SGMS1: variants seen among roughly 807,000 people sequenced by gnomAD.
SGMS1 encodes the protein phosphatidylcholine:ceramide cholinephosphotransferase 1.
A neutral mutation model predicts 46.2 loss-of-function variants in SGMS1; 13 were observed. The observed-to-expected ratio is 0.28, with a 90% CI of 0.18 to 0.45. The LOEUF is 0.45. Ranked by LOEUF, SGMS1 falls within the 20% of genes least tolerant of loss-of-function variation. SGMS1 has a pLI of 1.00. For missense variants in SGMS1, 324 were observed against 519.9 expected, an observed-to-expected ratio of 0.62 and a Z score of 3.66; for synonymous variants, 203 against 187.8, an observed-to-expected ratio of 1.08 and a Z score of -0.66.
chr10:50,551,152 A>G (rs575012812), intron 2 of SGMS1, among the ~76,000 whole-genome samples: 1 of 152,108 alleles, frequency 6.6e-6, no homozygotes, highest in South Asian at 2.1e-4. Context: ...CCTGCCAAAC[A>G]CTAGCTCAGC....
intron 5 of SGMS1, among the ~76,000 whole-genome samples, chr10:50,434,746 G>A (rs1451906822): frequency 9.9e-5 from 15 of 151,248 alleles, no homozygotes; most frequent in Admixed American, 2.0e-4. Flanking sequence ...TTAGCCAGGC[G>A]TGGTGGCGGG....
At chr10:50,473,234 TAGTC>T (rs1363236026) in intron 3 of SGMS1, among the ~76,000 whole-genome samples, 1 of 152,200 alleles carries the variant, frequency 6.6e-6, no homozygotes, top group Non-Finnish European at 1.5e-5. Flanking sequence ...CTCTCCCTAA[TAGTC>T]AGAAAGTCCC....
intron 3 of SGMS1, among the ~76,000 whole-genome samples, chr10:50,495,224 T>G: frequency 2.0e-5 from 2 of 100,986 alleles, no homozygotes; most frequent in Admixed American, 3.3e-4. Context: ...GGCAGCAGAG[T>G]GAAGATTCCG....
intron 7 of SGMS1, among the ~76,000 whole-genome samples, chr10:50,334,241 A>T (rs1847676113): frequency 6.6e-6 from 1 of 152,262 alleles, no homozygotes; most frequent in Non-Finnish European, 1.5e-5. Flanking sequence ...ACTGCTAAAT[A>T]AAATTGTAGA....
At chr10:50,425,670 T>C (rs746766424) in intron 6 of SGMS1, among the ~76,000 whole-genome samples, 1 of 152,134 alleles carries the variant, frequency 6.6e-6, no homozygotes, top group South Asian at 2.1e-4. Flanking sequence ...ATGGGATGAA[T>C]TGTACTCCAA....
chr10:50,401,163 C>T (rs2133540195), intron 6 of SGMS1, among the ~76,000 whole-genome samples: 1 of 152,310 alleles, frequency 6.6e-6, no homozygotes, highest in South Asian at 2.1e-4. Flanking sequence ...CAGCAAATTT[C>T]TGCCTTGCTG....
intron 6 of SGMS1, among the ~76,000 whole-genome samples, chr10:50,377,417 A>G (rs1203210018): frequency 4.6e-5 from 7 of 152,220 alleles, no homozygotes. Flanking sequence ...CCATCTCTCA[A>G]TACTGTTACA....
intron 2 of SGMS1, among the ~76,000 whole-genome samples, chr10:50,564,326 G>A (rs1173689931): frequency 6.6e-6 from 1 of 152,180 alleles, no homozygotes; most frequent in East Asian, 1.9e-4. Flanking sequence ...TTCCTGACCC[G>A]GGTGGTGGCA....
intron 1 of SGMS1, among the ~76,000 whole-genome samples, chr10:50,618,555 G>C (rs1317495529): frequency 6.6e-6 from 1 of 152,068 alleles, no homozygotes; most frequent in Non-Finnish European, 1.5e-5. Context: ...AATCATATAA[G>C]TTCACAAAAA....
intron 2 of SGMS1, among the ~76,000 whole-genome samples, chr10:50,532,929 G>A (rs1786998916): frequency 1.3e-5 from 2 of 152,178 alleles, no homozygotes; most frequent in South Asian, 4.1e-4. Flanking sequence ...TCGGTACCAA[G>A]TGCTGAGTTA....
At chr10:50,579,642 C>A (rs980641234) in intron 2 of SGMS1, among the ~76,000 whole-genome samples, 5 of 152,264 alleles carry the variant, frequency 3.3e-5, no homozygotes, top group African/African-American at 1.2e-4. Flanking sequence ...CTATCCCCAG[C>A]CACACTGTAA....
At chr10:50,610,584 A>G (rs969025303) in intron 1 of SGMS1, among the ~76,000 whole-genome samples, 2 of 152,198 alleles carry the variant, frequency 1.3e-5, no homozygotes, top group South Asian at 2.1e-4. Flanking sequence ...TGAGGCCCCT[A>G]TGGAAACCTG....
chr10:50,494,892 CG>C (rs1403389461), intron 3 of SGMS1, among the ~76,000 whole-genome samples: 1 of 151,572 alleles, frequency 6.6e-6, no homozygotes, highest in African/African-American at 2.4e-5. Context: ...AAAAATTAGC[CG>C]GGCATAGTGG....
chr10:50,382,073 G>A (rs981751211), intron 6 of SGMS1, among the ~76,000 whole-genome samples: 3 of 152,076 alleles, frequency 2.0e-5, no homozygotes, highest in African/African-American at 7.2e-5. Context: ...AAAACTAGAT[G>A]GTTAGAGTAT....
intron 1 of SGMS1, among the ~76,000 whole-genome samples, chr10:50,616,781 C>T (rs992998874): frequency 2.0e-5 from 3 of 152,116 alleles, no homozygotes; most frequent in Non-Finnish European, 4.4e-5. Context: ...GTTATCATGA[C>T]AGAGAAAATT....
chr10:50,347,579 A>G (rs1847935521), intron 6 of SGMS1, among the ~76,000 whole-genome samples: 1 of 152,208 alleles, frequency 6.6e-6, no homozygotes, highest in Non-Finnish European at 1.5e-5. Context: ...CTCTCAGCAG[A>G]GTTAGGAAAA....
intron 2 of SGMS1, among the ~76,000 whole-genome samples, chr10:50,550,642 T>C (rs1187300763): frequency 6.6e-6 from 1 of 152,156 alleles, no homozygotes; most frequent in Non-Finnish European, 1.5e-5. Context: ...TGCCCTGAGA[T>C]TGTACTAATA....
chr10:50,507,460 G>A (rs17519121), intron 3 of SGMS1, among the ~76,000 whole-genome samples: 26,760 of 152,056 alleles, frequency 0.18, 2,638 homozygotes, highest in Admixed American at 0.23. Context: ...TAAAATACAG[G>A]CGGCTTGGAC....
chr10:50,552,802 G>C (rs1564430293), intron 2 of SGMS1, among the ~76,000 whole-genome samples: 1 of 152,134 alleles, frequency 6.6e-6, no homozygotes, highest in Non-Finnish European at 1.5e-5. Flanking sequence ...GGATTATCCT[G>C]GTGGGCTCTA....
Sources: gnomAD v4.1 joint callset for allele counts (sites outside exome capture counted in the v4.1 genomes callset) on GRCh38, gnomAD v4.1.1 for gene constraint, MANE v1.5 for transcripts, NCBI Gene and HGNC (gene_info 2026-07-23, HGNC 2026-07-21) for gene names.